The following FBXW11 variants were observed in gnomAD, a reference collection of about 807,000 sequenced individuals.
FBXW11 encodes the protein F-box and WD repeat domain containing 11.
A neutral mutation model predicts 77.6 loss-of-function variants in FBXW11; 19 were observed. That is an observed-to-expected ratio of 0.24 (90% CI 0.17 to 0.36). FBXW11 has a LOEUF of 0.36. FBXW11 is among the 10% of genes least tolerant of loss of function. The probability of loss-of-function intolerance (pLI) is 1.00; values close to 1 mark genes in which losing one functional copy is unlikely to be tolerated. For synonymous variants in FBXW11, 235 were observed against 249.4 expected (o/e 0.94, Z 0.54); for missense variants, 334 against 704.2 (o/e 0.47, Z 5.95).
intron 2 of FBXW11, among the ~76,000 whole-genome samples, chr5:171,928,964 T>C (rs891361702): frequency 6.6e-6 from 1 of 151,962 alleles, no homozygotes; most frequent in Non-Finnish European, 1.5e-5. Flanking sequence ...TCCCAGCTAC[T>C]TGGGAAGCAG....
At position 171,862,352 on chromosome 5, in the gene FBXW11, A is replaced by G. The variant is rs1399874717; in HGVS notation, c.*1775T>C. On this transcript the variant is annotated 3_prime_UTR_variant, in exon 14 of 14. Transcript: ENST00000517395. ...TTTTTAAAAGAAAAACTAAAAAAGC[A>G]AAGCCAACTCAATAAACAAATCACA... 3.3e-5 allele frequency: 5 copies of G among 152,680 alleles called. No homozygotes were observed. The East Asian group carries it at 9.6e-4, about 29-fold the overall frequency. 9.5% of individuals were successfully genotyped at this position (152,680 alleles called of 1,614,324 possible). A position where few individuals can be genotyped will look rare whatever the true frequency, so the allele number is the denominator to read the frequency against.
intron 11 of FBXW11, among the ~76,000 whole-genome samples, chr5:171,870,393 A>G (rs1164109721): frequency 7.8e-6 from 1 of 127,880 alleles, no homozygotes; most frequent in Non-Finnish European, 1.5e-5. Context: ...GAACGAACAC[A>G]CACACACACA....
At chr5:171,927,969 C>T (rs1761976018) in intron 2 of FBXW11, among the ~76,000 whole-genome samples, 2 of 152,196 alleles carry the variant, frequency 1.3e-5, no homozygotes, top group African/African-American at 4.8e-5. Flanking sequence ...TCTTATTCCT[C>T]CTATTTCTTC....
chr5:171,997,971 A>G (rs758500188), intron 1 of FBXW11, among the ~76,000 whole-genome samples: 8 of 152,222 alleles, frequency 5.3e-5, no homozygotes, highest in Non-Finnish European at 1.2e-4. Flanking sequence ...AGCCCTTTAC[A>G]TTAATTACCC....
At chr5:171,914,835 G>A (rs1249069050) in intron 2 of FBXW11, among the ~76,000 whole-genome samples, 1 of 152,132 alleles carries the variant, frequency 6.6e-6, no homozygotes. Flanking sequence ...GCAAAGCCTT[G>A]GAAGCCCCCC....
intron 2 of FBXW11, among the ~76,000 whole-genome samples, chr5:171,940,505 A>G (rs761753708): frequency 2.5e-4 from 38 of 152,200 alleles, no homozygotes; most frequent in Non-Finnish European, 5.1e-4. Flanking sequence ...GGCTGGTTCC[A>G]AGGCTGAGAG....
chr5:171,874,085 C>T lies in FBXW11; in HGVS notation c.1222-1095G>A, dbSNP rs577142953. On this transcript the variant is annotated intron_variant, in intron 9 of 13. Transcript: ENST00000517395. ...ATCAAAAAAGTGAAAAGACAACTCA[C>T]AGAAAGGGAGAAAATATTTGCAAAT... Among the ~76,000 whole-genome samples the T allele has an allele frequency of 2.0e-5, 3 of 152,260 alleles. No homozygotes were observed. The East Asian group carries it at 5.8e-4, about 29-fold the overall frequency.
intron 2 of FBXW11, among the ~76,000 whole-genome samples, chr5:171,922,914 T>G (rs190805224): frequency 6.6e-6 from 1 of 152,232 alleles, no homozygotes; most frequent in Non-Finnish European, 1.5e-5. Context: ...TGCGTGTGTG[T>G]GTGTGTGCGT....
At chr5:171,914,841 C>A (rs1277148726) in intron 2 of FBXW11, among the ~76,000 whole-genome samples, 1 of 152,146 alleles carries the variant, frequency 6.6e-6, no homozygotes, top group Non-Finnish European at 1.5e-5. Flanking sequence ...CCTTGGAAGC[C>A]CCCCTGCCTT....
intron 7 of FBXW11, among the ~76,000 whole-genome samples, chr5:171,888,012 G>A (rs1043140842): frequency 3.9e-5 from 6 of 152,064 alleles, no homozygotes; most frequent in Non-Finnish European, 2.9e-5. Context: ...CCTTGACCAG[G>A]AAGCTATACA....
rs1763386978 is a variant in FBXW11 at position 171,952,445 on chromosome 5, ATATTTTTT to A, written c.147+5144_147+5151del. Reference sequence around the variant, plus strand: ...TACATATATATATATATATATATATATATTTTTTTTTTTTTTTTTTTTTTTGAGACGGA... The same window carrying A: ...TACATATATATATATATATATATATATTTTTTTTTTTTTTTTTGAGACGGA... On this transcript the variant is annotated intron_variant, in intron 2 of 13. Coordinates refer to ENST00000517395, the MANE Select transcript of FBXW11 (RefSeq NM_001378974.1). Among the ~76,000 whole-genome samples, 2 of 9,596 alleles carry A rather than the reference ATATTTTTT, an allele frequency of 2.1e-4. 1 individual carries two copies. Among genetic ancestry groups the A allele is most frequent in the East Asian group, 0.021 (2 of 94 alleles). The allele number at this position is 9,596 out of a possible 152,430, so 6.3% of individuals were successfully genotyped here. A position where few individuals can be genotyped will look rare whatever the true frequency, so the allele number is the denominator to read the frequency against.
At chr5:171,923,051 A>T (rs959519925) in intron 2 of FBXW11, among the ~76,000 whole-genome samples, 1 of 152,090 alleles carries the variant, frequency 6.6e-6, no homozygotes, top group African/African-American at 2.4e-5. Flanking sequence ...TGTAGCTGGG[A>T]CTACAGGCGT....
chr5:171,998,804 A>T (rs970316365), intron 1 of FBXW11, among the ~76,000 whole-genome samples: 1 of 151,818 alleles, frequency 6.6e-6, no homozygotes, highest in Non-Finnish European at 1.5e-5. Flanking sequence ...CTCAAAAAAA[A>T]AAAAAAAAAA....
chr5:171,933,163 C>T (rs1237479030), intron 2 of FBXW11, among the ~76,000 whole-genome samples: 1 of 139,720 alleles, frequency 7.2e-6, no homozygotes, highest in African/African-American at 2.7e-5. Flanking sequence ...AAGTGTGGTA[C>T]ATCCAGACAA....
chr5:171,922,311 A>T (rs1422780003), intron 2 of FBXW11, among the ~76,000 whole-genome samples: 1 of 152,234 alleles, frequency 6.6e-6, no homozygotes, highest in Non-Finnish European at 1.5e-5. Flanking sequence ...TACTTGCTAT[A>T]AATTCCAAAG....
At chr5:171,945,692 G>T (rs753665291) in intron 2 of FBXW11, among the ~76,000 whole-genome samples, 1 of 152,104 alleles carries the variant, frequency 6.6e-6, no homozygotes, top group Non-Finnish European at 1.5e-5. Flanking sequence ...AAGTAGAAAC[G>T]TATCACATTT....
At chr5:171,902,086 G>C (rs369073951) in intron 4 of FBXW11, among the ~76,000 whole-genome samples, 2 of 152,278 alleles carry the variant, frequency 1.3e-5, no homozygotes, top group East Asian at 3.9e-4. Flanking sequence ...GCGACATCCG[G>C]TCTGTAGTCA....
chr5:171,871,134 C>T (rs1757728661), intron 10 of FBXW11, among the ~76,000 whole-genome samples: 1 of 152,166 alleles, frequency 6.6e-6, no homozygotes, highest in East Asian at 1.9e-4. Flanking sequence ...GTCTGTATTA[C>T]TATTTAAATA....
intron 2 of FBXW11, among the ~76,000 whole-genome samples, chr5:171,945,047 T>G (rs942823444): frequency 6.6e-6 from 1 of 152,196 alleles, no homozygotes; most frequent in Admixed American, 6.5e-5. Context: ...ACCCGTTTTC[T>G]CATAGAACTT....
Sources: gnomAD v4.1 joint callset for allele counts (sites outside exome capture counted in the v4.1 genomes callset) on GRCh38, gnomAD v4.1.1 for gene constraint, MANE v1.5 for transcripts, NCBI Gene and HGNC (gene_info 2026-07-23, HGNC 2026-07-21) for gene names.